The following ACBD6 variants were observed in gnomAD, a reference collection of about 807,000 sequenced individuals.
ACBD6 encodes acyl-CoA binding domain containing 6.
A neutral mutation model predicts 37.2 loss-of-function variants in ACBD6; 28 were observed. The observed-to-expected ratio is 0.75, with a 90% CI of 0.56 to 1.03. The LOEUF (loss-of-function observed/expected upper bound fraction) is 1.03. ACBD6 is among the 50% of genes least tolerant of loss of function. ACBD6 has a pLI of 0.00. For synonymous variants in ACBD6, 113 were observed against 126.8 expected, an observed-to-expected ratio of 0.89 and a Z score of 0.73; for missense variants, 340 against 337.4, an observed-to-expected ratio of 1.01 and a Z score of -0.06.
chr1:180,334,296 G>A (rs1267873706), intron 6 of ACBD6, among the ~76,000 whole-genome samples: 5 of 152,106 alleles, frequency 3.3e-5, no homozygotes, highest in South Asian at 4.2e-4. Context: ...TCACACGGCC[G>A]GGTACTCCTC....
rs2102112861 is a variant in ACBD6 at position 180,502,347 on chromosome 1, A to G, written c.-81T>C. 4.0e-6 allele frequency: 6 copies of G among 1,498,788 alleles called. No homozygotes were observed. The South Asian group carries it at 5.9e-5, about 15-fold the overall frequency. 92.8% of individuals were successfully genotyped at this position (1,498,788 alleles called of 1,614,324 possible). The stretch of plus-strand genomic sequence containing the variant: ...TAAGGCCGGCTTGGAGGCCTGGCCC[A>G]CCAGTCTGGGTCGCGAGCCTGAGCT... On this transcript the variant is annotated 5_prime_UTR_variant, in exon 1 of 8. Coordinates refer to ENST00000367595, the MANE Select transcript of ACBD6 (RefSeq NM_032360.4).
chr1:180,464,376 C>G lies in ACBD6; in HGVS notation c.384+27893G>C, dbSNP rs560669595. ...AAAATCAATGTACAAAAATCACTAG[C>G]TTTCCTATACACCACCACCAACAAA... On this transcript the variant is annotated intron_variant, in intron 3 of 7. Coordinates refer to ENST00000367595, the MANE Select transcript of ACBD6 (RefSeq NM_032360.4). Among the ~76,000 whole-genome samples, 8 of 152,234 alleles carry G rather than the reference C, an allele frequency of 5.3e-5. No homozygotes were observed. In the South Asian group the frequency reaches 1.7e-3, roughly 32 times the overall value.
At chr1:180,322,468 G>C (rs1651109255) in intron 6 of ACBD6, among the ~76,000 whole-genome samples, 1 of 152,058 alleles carries the variant, frequency 6.6e-6, no homozygotes, top group Non-Finnish European at 1.5e-5. Context: ...GAATTCAGCA[G>C]TGAAGCCACG....
At chr1:180,430,829 T>C (rs919726125) in intron 3 of ACBD6, among the ~76,000 whole-genome samples, 1 of 151,986 alleles carries the variant, frequency 6.6e-6, no homozygotes, top group African/African-American at 2.4e-5. Flanking sequence ...ATTCAACACG[T>C]CTTGCCCCTC....
At chr1:180,292,911 T>C (rs1010358825) in intron 7 of ACBD6, among the ~76,000 whole-genome samples, 1 of 148,686 alleles carries the variant, frequency 6.7e-6, no homozygotes, top group African/African-American at 2.6e-5. Flanking sequence ...TTGTTGTGAG[T>C]TTTTGTTGTT....
chr1:180,361,552 C>T (rs944071037), intron 6 of ACBD6, among the ~76,000 whole-genome samples: 1 of 152,038 alleles, frequency 6.6e-6, no homozygotes, highest in African/African-American at 2.4e-5. Flanking sequence ...CTCTGTTGAG[C>T]TTCTTGAATA....
chr1:180,464,978 T>C (rs1419152013), intron 3 of ACBD6, among the ~76,000 whole-genome samples: 1 of 152,168 alleles, frequency 6.6e-6, no homozygotes, highest in Non-Finnish European at 1.5e-5. Flanking sequence ...TGGCTAGCCA[T>C]ATATAGAAGA....
chr1:180,416,654 A>C (rs1482090411), intron 4 of ACBD6, among the ~76,000 whole-genome samples: 1 of 152,204 alleles, frequency 6.6e-6, no homozygotes, highest in Non-Finnish European at 1.5e-5. Flanking sequence ...CAGCAAATAC[A>C]TTTATATTCC....
intron 6 of ACBD6, among the ~76,000 whole-genome samples, chr1:180,343,256 A>T (rs1652046318): frequency 6.9e-6 from 1 of 145,972 alleles, no homozygotes; most frequent in African/African-American, 2.4e-5. Flanking sequence ...ATATTTAAAA[A>T]ATCTTATAAA....
intron 6 of ACBD6, among the ~76,000 whole-genome samples, chr1:180,337,023 C>T (rs1024098139): frequency 7.2e-5 from 11 of 152,026 alleles, no homozygotes; most frequent in Non-Finnish European, 1.5e-4. Flanking sequence ...AATAGCTCAC[C>T]AACCAAAAAA....
intron 6 of ACBD6, among the ~76,000 whole-genome samples, chr1:180,339,278 A>G (rs1407131545): frequency 6.6e-6 from 1 of 152,166 alleles, no homozygotes; most frequent in Admixed American, 6.5e-5. Flanking sequence ...CTTGGAACCA[A>G]CCCAAATGTC....
chr1:180,463,950 A>G (rs1213349018), intron 3 of ACBD6, among the ~76,000 whole-genome samples: 1 of 152,236 alleles, frequency 6.6e-6, no homozygotes, highest in African/African-American at 2.4e-5. Context: ...AACTAAAGAA[A>G]AAAACCACAT....
chr1:180,270,893 A>C, exon 14 of ACBD6: 8 of 217,970 alleles, frequency 3.7e-5, no homozygotes, highest in South Asian at 1.2e-4. Flanking sequence ...CCTGGCTGTG[A>C]GCCCAGCGAC....
chr1:180,391,039 A>C (rs887955250), intron 6 of ACBD6, among the ~76,000 whole-genome samples: 14 of 152,276 alleles, frequency 9.2e-5, no homozygotes, highest in Admixed American at 8.5e-4. Flanking sequence ...TTTATAAACA[A>C]ATTTATTTTT....
At chr1:180,434,836 T>A (rs111253849) in intron 3 of ACBD6, 1 of 736,952 alleles carries the variant, frequency 1.4e-6, no homozygotes, top group Non-Finnish European at 2.5e-6. Flanking sequence ...TCTTGGCAAA[T>A]CTGCCAGGGA....
chr1:180,278,004 T>A (rs1649142569), intron 9 of ACBD6: 1 of 152,172 alleles, frequency 6.6e-6, no homozygotes, highest in African/African-American at 2.4e-5. Flanking sequence ...TCTCAGAAGC[T>A]CAAACTGGTG....
Position 180,413,400 on chromosome 1 carries a change from G to T in ACBD6, c.539C>A (p.Ser180Ter), listed in dbSNP as rs777457819. The T allele has an allele frequency of 2.5e-6, 4 of 1,613,214 alleles. No individual in the cohort carries two copies. Among genetic ancestry groups the T allele is most frequent in the Non-Finnish European group, 3.4e-6 (4 of 1,179,752 alleles). ...NIDHITKAIK[S>*]KNVDVNVKDE... ...TTTCACATTCACATCCACATTTTTCGATTTGATGGCTTTGGTTATATGGTC... is the reference window on the plus strand; with the variant it reads ...TTTCACATTCACATCCACATTTTTCTATTTGATGGCTTTGGTTATATGGTC... The change falls in exon 5 of 8, where the codon TCG (serine) becomes TAG (stop). Residue 180 changes from serine (S) to a stop codon, truncating the protein, a stop_gained. Transcript: ENST00000367595. LOFTEE classifies it high-confidence loss of function.
chr1:180,424,243 A>C lies in ACBD6; in HGVS notation c.467+5937T>G, dbSNP rs1279815346. Among the ~76,000 whole-genome samples the C allele has an allele frequency of 2.6e-5, 4 of 152,200 alleles. No individual in the cohort carries two copies. The East Asian group carries it at 7.7e-4, about 29-fold the overall frequency. ...CCTTATCTGTAAAAAAAAGAATATT[A>C]ATAGCATCTATATTTAATAGGGTCA... On this transcript the variant is annotated intron_variant, in intron 4 of 7. Coordinates refer to ENST00000367595, the MANE Select transcript of ACBD6 (RefSeq NM_032360.4).
chr1:180,452,402 C>T (rs763975784), intron 3 of ACBD6, among the ~76,000 whole-genome samples: 9 of 151,840 alleles, frequency 5.9e-5, no homozygotes, highest in Middle Eastern at 3.4e-3. Flanking sequence ...ACCTAGGAGG[C>T]GAAGGTTGTG....
Sources: allele counts gnomAD v4.1 joint callset (sites outside exome capture counted in the v4.1 genomes callset), GRCh38; gene constraint gnomAD v4.1.1; transcripts MANE v1.5; gene names NCBI Gene and HGNC (gene_info 2026-07-23, HGNC 2026-07-21).